The following ARHGAP10 variants were observed in gnomAD, a reference collection of about 807,000 sequenced individuals.
ARHGAP10 encodes Rho GTPase activating protein 10.
Under a neutral mutation model 108.6 loss-of-function variants are expected in ARHGAP10, and 87 were observed. The ratio of observed to expected loss-of-function variants is 0.80; its 90% confidence interval spans 0.67 to 0.96. The LOEUF is 0.96. Ranked by LOEUF, ARHGAP10 falls within the 40% of genes least tolerant of loss-of-function variation. The pLI is 0.00. For missense variants in ARHGAP10, 939 were observed against 954.5 expected, an observed-to-expected ratio of 0.98 and a Z score of 0.21; for synonymous variants, 347 against 341.1, an observed-to-expected ratio of 1.02 and a Z score of -0.19.
chr4:147,732,218 C>A lies in ARHGAP10; in HGVS notation c.-84C>A. On this transcript the variant is annotated 5_prime_UTR_variant, in exon 1 of 23. Coordinates refer to ENST00000336498, the MANE Select transcript of ARHGAP10 (RefSeq NM_024605.4). ...AGCTCCTCTGTGCTCCCTGAACGCG[C>A]GGCGCCGCACCTGGCAGCGGCCTCG... The A allele has an allele frequency of 7.3e-7, 1 of 1,363,876 alleles. No homozygotes were observed. The highest frequency in any genetic ancestry group is 9.5e-7 in the Non-Finnish European group (1 of 1,052,950). The allele number at this position is 1,363,876 out of a possible 1,614,324, so 84.5% of individuals were successfully genotyped here. A position where few individuals can be genotyped will look rare whatever the true frequency, so the allele number is the denominator to read the frequency against.
At chr4:147,854,705 A>G in intron 4 of ARHGAP10, 1 of 984,258 alleles carries the variant, frequency 1.0e-6, no homozygotes, top group Non-Finnish European at 1.2e-6. Flanking sequence ...ACAAAGAAAC[A>G]ATAATACTCT....
At chr4:147,769,836 A>G (rs1354133243) in intron 1 of ARHGAP10, among the ~76,000 whole-genome samples, 1 of 152,164 alleles carries the variant, frequency 6.6e-6, no homozygotes, top group East Asian at 1.9e-4. Flanking sequence ...GGCTGGAATT[A>G]AGACATGTGT....
At chr4:147,898,478 C>T (rs1736090155) in intron 10 of ARHGAP10, among the ~76,000 whole-genome samples, 1 of 151,402 alleles carries the variant, frequency 6.6e-6, no homozygotes, top group South Asian at 2.1e-4. Context: ...TTGCCTTGCC[C>T]AGGGTTCCAT....
At chr4:147,798,312 C>T (rs1262878078) in intron 1 of ARHGAP10, among the ~76,000 whole-genome samples, 2 of 152,138 alleles carry the variant, frequency 1.3e-5, no homozygotes, top group Non-Finnish European at 2.9e-5. Flanking sequence ...ACAACACCTG[C>T]TATTATTATT....
At chr4:147,988,647 G>A (rs910181205) in intron 18 of ARHGAP10, among the ~76,000 whole-genome samples, 19 of 152,318 alleles carry the variant, frequency 1.2e-4, no homozygotes, top group Admixed American at 1.2e-3. Context: ...TAGGAACCTA[G>A]AACCCTGGGG....
At chr4:147,780,785 A>G (rs1730498574) in intron 1 of ARHGAP10, among the ~76,000 whole-genome samples, 1 of 152,192 alleles carries the variant, frequency 6.6e-6, no homozygotes, top group Admixed American at 6.5e-5. Flanking sequence ...AGAACTTGAG[A>G]CACAGCAGGG....
At chr4:147,956,632 T>C (rs1738795498) in intron 16 of ARHGAP10, among the ~76,000 whole-genome samples, 1 of 152,132 alleles carries the variant, frequency 6.6e-6, no homozygotes, top group African/African-American at 2.4e-5. Flanking sequence ...TGGAGGACAA[T>C]TGTTTCATGT....
chr4:147,740,811 A>G (rs1728624104), intron 1 of ARHGAP10, among the ~76,000 whole-genome samples: 1 of 152,220 alleles, frequency 6.6e-6, no homozygotes, highest in Non-Finnish European at 1.5e-5. Flanking sequence ...ATAAAAAGAT[A>G]GTCTCACAAT....
chr4:147,896,255 G>GT (rs1468482000), intron 10 of ARHGAP10, among the ~76,000 whole-genome samples: 1 of 152,092 alleles, frequency 6.6e-6, no homozygotes, highest in East Asian at 1.9e-4. Flanking sequence ...CTTCTTCACT[G>GT]TTTTTTCATA....
At chr4:147,929,564 T>C (rs1737588974) in intron 13 of ARHGAP10, among the ~76,000 whole-genome samples, 1 of 152,200 alleles carries the variant, frequency 6.6e-6, no homozygotes, top group South Asian at 2.1e-4. Flanking sequence ...TACTGAGGAC[T>C]AGTTATAAAT....
At chr4:148,004,565 A>C (rs1340419920) in intron 18 of ARHGAP10, among the ~76,000 whole-genome samples, 1 of 152,046 alleles carries the variant, frequency 6.6e-6, no homozygotes, top group African/African-American at 2.4e-5. Context: ...GGAAGTAATC[A>C]ACCACGTGAA....
At chr4:147,896,023 A>G (rs1735981188) in intron 10 of ARHGAP10, among the ~76,000 whole-genome samples, 1 of 152,322 alleles carries the variant, frequency 6.6e-6, no homozygotes, top group Admixed American at 6.5e-5. Flanking sequence ...TGTGAATTAC[A>G]CTGAATTTTG....
chr4:148,034,597 G>A (rs1728292659), intron 19 of ARHGAP10, among the ~76,000 whole-genome samples: 2 of 151,994 alleles, frequency 1.3e-5, no homozygotes, highest in African/African-American at 2.4e-5. Flanking sequence ...CCAGAGTGCC[G>A]GGATTACAGG....
chr4:147,804,626 T>G (rs548812060), intron 1 of ARHGAP10, among the ~76,000 whole-genome samples: 8 of 152,366 alleles, frequency 5.3e-5, no homozygotes, highest in Admixed American at 5.2e-4. Flanking sequence ...GTGTTCCCTT[T>G]TCTCCACAGC....
At chr4:148,020,698 TGGGCATTTG>T (rs1741535325) in intron 18 of ARHGAP10, among the ~76,000 whole-genome samples, 1 of 152,184 alleles carries the variant, frequency 6.6e-6, no homozygotes, top group Non-Finnish European at 1.5e-5. Context: ...CTATTATTGG[TGGGCATTTG>T]GGTTGATTCC....
chr4:147,794,862 A>C (rs1270804100), intron 1 of ARHGAP10, among the ~76,000 whole-genome samples: 1 of 152,174 alleles, frequency 6.6e-6, no homozygotes, highest in Non-Finnish European at 1.5e-5. Context: ...TAAGTATAGG[A>C]CAGTGTAACC....
At chr4:147,746,532 C>G (rs188440499) in intron 1 of ARHGAP10, among the ~76,000 whole-genome samples, 6 of 151,448 alleles carry the variant, frequency 4.0e-5, no homozygotes, top group Non-Finnish European at 2.9e-5. Flanking sequence ...TCCTGAGTAG[C>G]TCGCTTGCCA....
intron 1 of ARHGAP10, among the ~76,000 whole-genome samples, chr4:147,815,729 G>A (rs942340968): frequency 1.0e-4 from 1 of 9,720 alleles, no homozygotes; most frequent in Non-Finnish European, 2.0e-4. Context: ...CGTGGTGGTG[G>A]TGGTTTCATG....
chr4:147,891,368 G>A (rs915391174), intron 10 of ARHGAP10, among the ~76,000 whole-genome samples: 1 of 152,200 alleles, frequency 6.6e-6, no homozygotes, highest in African/African-American at 2.4e-5. Context: ...ATGTATATAT[G>A]ATTCCATTTA....
Sources: allele counts gnomAD v4.1 joint callset (sites outside exome capture counted in the v4.1 genomes callset), GRCh38; gene constraint gnomAD v4.1.1; transcripts MANE v1.5; gene names NCBI Gene and HGNC (gene_info 2026-07-23, HGNC 2026-07-21).